SP110: variants seen among roughly 807,000 people sequenced by gnomAD.
The protein encoded by SP110 is SP110 nuclear body protein, also known as interferon-induced protein 41, 30kD.
In SP110, 62 loss-of-function variants were observed where a neutral mutation model predicts 92.7. That is an observed-to-expected ratio of 0.67 (90% CI 0.55 to 0.83). The LOEUF is 0.83. Among genes scored for constraint, SP110 ranks in the 40% least tolerant of loss-of-function variants. The pLI is 0.00. For synonymous variants in SP110, 273 were observed against 305.3 expected, an observed-to-expected ratio of 0.89 and a Z score of 1.10; for missense variants, 793 against 863.9, an observed-to-expected ratio of 0.92 and a Z score of 1.03.
chr2:230,184,762 G>GA (rs571337835), intron 11 of SP110, among the ~76,000 whole-genome samples: 3 of 152,020 alleles, frequency 2.0e-5, no homozygotes, highest in South Asian at 4.2e-4. Context: ...ACCCTCAAAA[G>GA]AAAAAATTCC....
Position 230,167,273 on chromosome 2 carries a change from ATTTTTTT to A in SP110, c.*1844_*1850del, listed in dbSNP as rs67471942. On this transcript the variant is annotated 3_prime_UTR_variant, in exon 19 of 19. Coordinates refer to ENST00000258381, the MANE Select transcript of SP110 (RefSeq NM_080424.4). The stretch of plus-strand genomic sequence containing the variant: ...CCACCTTGCCCAGCTAATTAAAAAG[ATTTTTTT>A]TTTTTTTTTTTTGTAGAGATGAGGT... 2 of 129,932 alleles carry A rather than the reference ATTTTTTT, an allele frequency of 1.5e-5. No individual in the cohort carries two copies. The highest frequency in any genetic ancestry group is 7.9e-5 in the Admixed American group (1 of 12,664). 8.0% of individuals were successfully genotyped at this position (129,932 alleles called of 1,614,324 possible). A position where few individuals can be genotyped will look rare whatever the true frequency, so the allele number is the denominator to read the frequency against.
chr2:230,198,705 C>T (rs2042989692), intron 10 of SP110, among the ~76,000 whole-genome samples: 1 of 152,056 alleles, frequency 6.6e-6, no homozygotes, highest in Non-Finnish European at 1.5e-5. Flanking sequence ...AGCAATTCTC[C>T]TGTCTCAGCC....
intron 14 of SP110, chr2:230,173,313 G>A (rs13025520): frequency 0.1 from 33,655 of 322,156 alleles, 1,970 homozygotes; most frequent in Middle Eastern, 0.13. Flanking sequence ...TAATAGATCT[G>A]ACTGACCAAA....
chr2:230,225,097 C>A (rs1318735038), intron 1 of SP110, among the ~76,000 whole-genome samples: 1 of 152,212 alleles, frequency 6.6e-6, no homozygotes, highest in African/African-American at 2.4e-5. Context: ...CTTTCCCCAT[C>A]CAGTGAGAAG....
chr2:230,220,565 CAGGT>C (rs1559189685), upstream of SP110, among the ~76,000 whole-genome samples: 1 of 152,132 alleles, frequency 6.6e-6, no homozygotes, highest in Non-Finnish European at 1.5e-5. Flanking sequence ...GAGAGCTGGG[CAGGT>C]AGTTGGGAGC....
Position 230,178,208 on chromosome 2 carries a change from C to A in SP110, c.1396G>T (p.Val466Leu). Residue 466 changes from valine (V) to leucine (L), a missense_variant, in exon 13 of 19, where the codon GTG (valine) becomes TTG (leucine). Coordinates refer to ENST00000258381, the MANE Select transcript of SP110 (RefSeq NM_080424.4). ...ATCCCTTTCGCCTCACCACAGGTCA[C>A]GGGGAGCTTAGAACAGTGAAAATCC... Reference protein sequence around the residue: ...TVDFHCSKLPVTCGEAKGILY... With the variant: ...TVDFHCSKLPLTCGEAKGILY... 1 of 1,613,640 alleles carries A rather than the reference C, an allele frequency of 6.2e-7. No homozygotes were observed. Among genetic ancestry groups the A allele is most frequent in the Non-Finnish European group, 8.5e-7 (1 of 1,179,658 alleles).
chr2:230,186,523 A>G (rs1226614502), intron 10 of SP110, among the ~76,000 whole-genome samples: 1 of 152,184 alleles, frequency 6.6e-6, no homozygotes, highest in East Asian at 1.9e-4. Context: ...TTTTTATTTC[A>G]ATAGCTTTTG....
chr2:230,201,000 G>T, intron 9 of SP110, 35 bp from the exon 10 acceptor site: 1 of 1,514,736 alleles, frequency 6.6e-7, no homozygotes. Context: ...ATGCCCCTTG[G>T]GAAACACCAT....
intron 15 of SP110, chr2:230,172,513 C>T (rs1211264061): frequency 7.9e-5 from 42 of 529,008 alleles, no homozygotes; most frequent in Non-Finnish European, 1.4e-4. Flanking sequence ...CTCCATCAGC[C>T]AGGTGAGACT....
At chr2:230,181,214 C>T (rs890412442) in intron 12 of SP110, among the ~76,000 whole-genome samples, 92 of 152,328 alleles carry the variant, frequency 6.0e-4, no homozygotes, top group Admixed American at 6.0e-3. Context: ...CAAGAATTGG[C>T]TCTGACAGAT....
intron 14 of SP110, among the ~76,000 whole-genome samples, chr2:230,176,085 A>G (rs547893444): frequency 1.1e-4 from 16 of 152,168 alleles, no homozygotes; most frequent in Admixed American, 5.2e-4. Flanking sequence ...CTGGGACTAC[A>G]GGTGCATGCC....
chr2:230,224,427 G>C (rs2046077384), upstream of SP110, among the ~76,000 whole-genome samples: 1 of 139,142 alleles, frequency 7.2e-6, no homozygotes, highest in African/African-American at 2.9e-5. Context: ...TTGTTTTAAA[G>C]AGGGAGGGAG....
At chr2:230,176,689 G>C in intron 14 of SP110, 1 of 1,613,864 alleles carries the variant, frequency 6.2e-7, no homozygotes, top group East Asian at 2.2e-5. Context: ...ACTCTCTCTT[G>C]AGATTTATTC....
At chr2:230,217,986 T>C (rs1354649338) in intron 1 of SP110, among the ~76,000 whole-genome samples, 5 of 152,254 alleles carry the variant, frequency 3.3e-5, no homozygotes, top group African/African-American at 1.2e-4. Context: ...ACTTGTTCAC[T>C]GCAACCATTT....
At position 230,212,329 on chromosome 2, in the gene SP110, A is replaced by G. The variant is rs370420212; in HGVS notation, c.667+18T>C. The G allele has an allele frequency of 6.3e-7, 1 of 1,583,580 alleles. No individual in the cohort carries two copies. The highest frequency in any genetic ancestry group is 8.7e-7 in the Non-Finnish European group (1 of 1,152,138). On this transcript the variant is annotated intron_variant, in intron 5 of 18. Transcript: ENST00000258381. The stretch of plus-strand genomic sequence containing the variant: ...CAGTCACCTTGAGCTAAGCGGTATC[A>G]GCCCCAGTCAGTGTTACCTTGCACA...
chr2:230,194,449 A>C (rs1266986352), intron 10 of SP110, among the ~76,000 whole-genome samples: 1 of 149,572 alleles, frequency 6.7e-6, no homozygotes, highest in Non-Finnish European at 1.5e-5. Flanking sequence ...AAAATTTACA[A>C]AATAAATTAA....
intron 12 of SP110, among the ~76,000 whole-genome samples, chr2:230,180,954 T>C (rs1168300172): frequency 6.6e-6 from 1 of 152,234 alleles, no homozygotes; most frequent in African/African-American, 2.4e-5. Flanking sequence ...TAATTGAATC[T>C]GTAAAATGGG....
rs41309090 is a variant in SP110 at position 230,212,783 on chromosome 2, G to C, written c.561C>G (p.Ile187Met). 6.2e-7 allele frequency: 1 copy of C among 1,614,160 alleles called. No homozygotes were observed. Among genetic ancestry groups the C allele is most frequent in the Non-Finnish European group, 8.5e-7 (1 of 1,180,012 alleles). ...SDPVLPLPALIQEGRSTSVTN... is the reference protein window; with the variant it reads ...SDPVLPLPALMQEGRSTSVTN... ...CACCTGAAGTGCTTCTTCCTTCCTG[G>C]ATGAGTGCAGGGAGAGGCAGGACAG... The change falls in exon 4 of 19, where the codon ATC becomes ATG. Residue 187 changes from isoleucine (I) to methionine (M), a missense_variant. Transcript: ENST00000258381.
intron 10 of SP110, among the ~76,000 whole-genome samples, chr2:230,187,483 C>T (rs959464089): frequency 7.9e-5 from 12 of 152,212 alleles, no homozygotes; most frequent in African/African-American, 1.4e-4. Context: ...TACGAAGAAG[C>T]GTTTCAGTTT....
Sources: gnomAD v4.1 joint callset for allele counts (sites outside exome capture counted in the v4.1 genomes callset) on GRCh38, gnomAD v4.1.1 for gene constraint, MANE v1.5 for transcripts, NCBI Gene and HGNC (gene_info 2026-07-23, HGNC 2026-07-21) for gene names.